JUP: variants seen among roughly 807,000 people sequenced by gnomAD.
JUP encodes junction plakoglobin.
In JUP, 28 loss-of-function variants were observed where a neutral mutation model predicts 71.1. That is an observed-to-expected ratio of 0.39 (90% CI 0.29 to 0.54). The LOEUF (loss-of-function observed/expected upper bound fraction) is 0.54, where lower values mean the gene tolerates loss of function less well. Among genes scored for constraint, JUP ranks in the 20% least tolerant of loss-of-function variants. The pLI, the probability that JUP is intolerant of heterozygous loss-of-function variation, is 0.62. For synonymous variants in JUP, 401 were observed against 438.9 expected (o/e 0.91, Z 1.08); for missense variants, 869 against 1,030.1 (o/e 0.84, Z 2.14).
intron 1 of JUP, among the ~76,000 whole-genome samples, chr17:41,774,884 C>T (rs1917209821): frequency 6.6e-6 from 1 of 151,658 alleles, no homozygotes; most frequent in South Asian, 2.1e-4. Context: ...GGGCAGATCA[C>T]GAGGTCAGGA....
chr17:41,760,947 T>C (rs1489912162), intron 8 of JUP, among the ~76,000 whole-genome samples: 1 of 152,214 alleles, frequency 6.6e-6, no homozygotes, highest in Non-Finnish European at 1.5e-5. Context: ...CCCTCATCGA[T>C]GGTAGCTTCC....
chr17:41,759,885 C>G (rs1292343893), intron 8 of JUP, among the ~76,000 whole-genome samples: 1 of 152,054 alleles, frequency 6.6e-6, no homozygotes, highest in African/African-American at 2.4e-5. Flanking sequence ...GTCACAATGA[C>G]ATTTTTTTTT....
intron 1 of JUP, among the ~76,000 whole-genome samples, chr17:41,779,509 T>C (rs902519580): frequency 6.6e-6 from 1 of 151,780 alleles, no homozygotes; most frequent in African/African-American, 2.4e-5. Flanking sequence ...TTGTATTTTT[T>C]AGTAGAGACG....
chr17:41,777,256 C>T (rs2046929881), intron 1 of JUP, among the ~76,000 whole-genome samples: 1 of 152,218 alleles, frequency 6.6e-6, no homozygotes, highest in African/African-American at 2.4e-5. Flanking sequence ...CATGCTGCTT[C>T]CTGCAGCCAG....
chr17:41,777,619 G>C (rs782548646), intron 1 of JUP, among the ~76,000 whole-genome samples: 1 of 152,232 alleles, frequency 6.6e-6, no homozygotes, highest in Non-Finnish European at 1.5e-5. Context: ...AGCAGGAGCT[G>C]TCAGACAAGC....
At chr17:41,778,610 G>A (rs1209186899) in intron 1 of JUP, among the ~76,000 whole-genome samples, 1 of 151,350 alleles carries the variant, frequency 6.6e-6, no homozygotes, top group African/African-American at 2.4e-5. Context: ...CAAGATCAAG[G>A]CTAAAGAACA....
intron 8 of JUP, among the ~76,000 whole-genome samples, 172 bp from the exon 9 acceptor site, chr17:41,759,042 C>T (rs1914363941): frequency 6.6e-6 from 1 of 151,752 alleles, no homozygotes; most frequent in African/African-American, 2.4e-5. Context: ...TCACTTAATC[C>T]ACAGGATCTG....
At chr17:41,758,358 G>C in intron 10 of JUP, 41 bp downstream of exon 10, 1 of 1,611,494 alleles carries the variant, frequency 6.2e-7, no homozygotes, top group Non-Finnish European at 8.5e-7. Flanking sequence ...CCTTTAAGCA[G>C]TGGTGGGGGG....
intron 8 of JUP, among the ~76,000 whole-genome samples, chr17:41,760,961 C>T (rs1567806711): frequency 5.9e-5 from 9 of 152,206 alleles, no homozygotes; most frequent in Admixed American, 5.2e-4. Flanking sequence ...AGCTTCCTCA[C>T]TCTCTGGCAC....
chr17:41,761,398 G>C (rs1382089499), intron 8 of JUP, among the ~76,000 whole-genome samples: 2 of 152,140 alleles, frequency 1.3e-5, no homozygotes, highest in Non-Finnish European at 2.9e-5. Flanking sequence ...CAGTTCTCAG[G>C]GCTAGAACAC....
chr17:41,763,413 G>GGCA, intron 7 of JUP, 92 bp from the exon 8 acceptor site: 1 of 909,100 alleles, frequency 1.1e-6, no homozygotes, highest in Non-Finnish European at 1.8e-6. Flanking sequence ...ATGACCTAAA[G>GGCA]GGGTCAGCCC....
chr17:41,758,728 T>C lies in JUP; in HGVS notation c.1640A>G (p.Gln547Arg), dbSNP rs1555599699. 1.2e-6 allele frequency: 2 copies of C among 1,602,492 alleles called. No individual in the cohort carries two copies. The highest frequency in any genetic ancestry group is 1.7e-6 in the Non-Finnish European group (2 of 1,174,668). The change falls in exon 9 of 14, where the codon CAG becomes CGG. Residue 547 changes from glutamine to arginine, a missense_variant. Physicochemically the swap from Gln to Arg is conservative, Grantham distance 43. Transcript: ENST00000393931. ...CAGCTCACATACCGTGTAGGGCTGC[T>C]GTGTGCCTGCAGCTACGTGGCGCTG... ...DAQRHVAAGT[Q>R]QPYTDGVRME...
Position 41,755,135 on chromosome 17 carries a change from C to A in JUP, c.*609G>T, listed in dbSNP as rs1913475937. On this transcript the variant is annotated 3_prime_UTR_variant, in exon 14 of 14. Coordinates refer to ENST00000393931, the MANE Select transcript of JUP (RefSeq NM_002230.4). ...GAACCAAAGCCCTTCCGGGCCCAGG[C>A]AGCTGGAGACAGGGAGGCTGGAGGT... 2.5e-5 allele frequency: 10 copies of A among 397,748 alleles called. No individual in the cohort carries two copies. The East Asian group carries it at 3.6e-4, about 14-fold the overall frequency. The allele number at this position is 397,748 out of a possible 1,614,324, so 24.6% of individuals were successfully genotyped here. A position where few individuals can be genotyped will look rare whatever the true frequency, so the allele number is the denominator to read the frequency against.
chr17:41,761,021 T>TAC (rs1479261618), intron 8 of JUP, among the ~76,000 whole-genome samples: 1 of 152,032 alleles, frequency 6.6e-6, no homozygotes, highest in African/African-American at 2.4e-5. Flanking sequence ...CATATAGATA[T>TAC]ACACACACAC....
At position 41,767,561 on chromosome 17, in the gene JUP, GGACC is replaced by G; in HGVS notation, c.723_726del (p.Val242CysfsTer62). 1 of 1,612,942 alleles carries G rather than the reference GGACC, an allele frequency of 6.2e-7. No individual in the cohort carries two copies. Among genetic ancestry groups the G allele is most frequent in the Non-Finnish European group, 8.5e-7 (1 of 1,179,766 alleles). On this transcript the variant is annotated frameshift_variant, in exon 5 of 14. Coordinates refer to ENST00000393931, the MANE Select transcript of JUP (RefSeq NM_002230.4). LOFTEE classifies it high-confidence loss of function. ...TGCAGCGTGGTGATGGCATAGAACA[GGACC>G]GACTCCACAGGGGAGCTGGGGGGGT... is the stretch of plus-strand genomic sequence containing the variant.
intron 5 of JUP, among the ~76,000 whole-genome samples, chr17:41,766,809 C>T (rs1265007474): frequency 1.3e-5 from 2 of 150,020 alleles, no homozygotes; most frequent in Admixed American, 6.7e-5. Flanking sequence ...GAGCCGAGAT[C>T]GTGCCATTGC....
At chr17:41,764,590 A>T (rs1915397983) in intron 7 of JUP, 123 bp downstream of exon 7, 1 of 696,246 alleles carries the variant, frequency 1.4e-6, no homozygotes, top group Non-Finnish European at 2.6e-6. Context: ...TTCCAGCCTC[A>T]GTCACAAGGA....
rs1415526342 is a variant in JUP, at chr17:41,758,404, C to T, written c.1768G>A (p.Val590Met). ...IFRLNTIPLF[V>M]QLLYSSVENI... ...CCCACCTGCCCCAGACTCACCTGCACAAACAGGGGAATGGTGTTGAGCCGG... is the reference window on the plus strand; with the variant it reads ...CCCACCTGCCCCAGACTCACCTGCATAAACAGGGGAATGGTGTTGAGCCGG... Residue 590 changes from valine to methionine, a missense_variant, in exon 10 of 14, where the codon GTG (valine) becomes ATG (methionine). Coordinates refer to ENST00000393931, the MANE Select transcript of JUP (RefSeq NM_002230.4). 1.2e-6 allele frequency: 2 copies of T among 1,613,168 alleles called. No homozygotes were observed. Among genetic ancestry groups the T allele is most frequent in the East Asian group, 2.2e-5 (1 of 44,874 alleles).
chr17:41,773,025 C>T, intron 1 of JUP: 1 of 980,338 alleles, frequency 1.0e-6, no homozygotes, highest in Non-Finnish European at 1.2e-6. Context: ...AAAGCCCATG[C>T]ACTGGTCCCC....
Sources: gnomAD v4.1 joint callset for allele counts (sites outside exome capture counted in the v4.1 genomes callset) on GRCh38, gnomAD v4.1.1 for gene constraint, MANE v1.5 for transcripts, NCBI Gene and HGNC (gene_info 2026-07-23, HGNC 2026-07-21) for gene names.